Variants in CFAP44 observed in about 807,000 individuals in gnomAD.
CFAP44 encodes cilia and flagella associated protein 44.
A neutral mutation model predicts 216.2 loss-of-function variants in CFAP44; 134 were observed. The ratio of observed to expected loss-of-function variants is 0.62; its 90% CI spans 0.54 to 0.72. The LOEUF is 0.72. Among genes scored for constraint, CFAP44 ranks in the 30% least tolerant of loss-of-function variants. The pLI, the probability that CFAP44 is intolerant of heterozygous loss-of-function variation, is 0.00. For synonymous variants in CFAP44, 700 were observed against 727.6 expected, an observed-to-expected ratio of 0.96 and a Z score of 0.61; for missense variants, 2,035 against 2,182.1, an observed-to-expected ratio of 0.93 and a Z score of 1.34.
chr3:113,304,683 A>G (rs1949968537), intron 31 of CFAP44, among the ~76,000 whole-genome samples: 2 of 152,228 alleles, frequency 1.3e-5, no homozygotes, highest in African/African-American at 4.8e-5. Context: ...TCATTTTAGC[A>G]TGATTAGTCC....
intron 24 of CFAP44, among the ~76,000 whole-genome samples, chr3:113,341,447 T>C (rs1950332582): frequency 6.6e-6 from 1 of 152,212 alleles, no homozygotes. Context: ...AGAATATGTT[T>C]ATAATTTTGA....
intron 26 of CFAP44, among the ~76,000 whole-genome samples, chr3:113,328,696 TAAA>T (rs58650082): frequency 3.5e-5 from 1 of 28,570 alleles, no homozygotes; most frequent in Admixed American, 5.4e-4. Context: ...TTAGAGAGCT[TAAA>T]AAAAAAAAAA....
At chr3:113,392,718 TA>T (rs1396974599) in intron 15 of CFAP44, among the ~76,000 whole-genome samples, 1 of 144,784 alleles carries the variant, frequency 6.9e-6, no homozygotes, top group Non-Finnish European at 1.5e-5. Flanking sequence ...CAAATAATAA[TA>T]ATAAAGACCA....
chr3:113,296,346 T>C (rs1082589), intron 33 of CFAP44, among the ~76,000 whole-genome samples: 95,695 of 152,128 alleles, frequency 0.63, 33,324 homozygotes, highest in South Asian at 0.78. Flanking sequence ...TTTCTCATTG[T>C]GGTTTTAATT....
intron 30 of CFAP44, 68 bp from the exon 31 acceptor site, chr3:113,305,220 G>T: frequency 1.5e-6 from 2 of 1,320,990 alleles, no homozygotes; most frequent in Non-Finnish European, 2.1e-6. Flanking sequence ...GATGGTGAAT[G>T]AAGGCATCTT....
rs372726630 is a variant in CFAP44, at chr3:113,325,433, T to G, written c.4516+1012A>C. Among the ~76,000 whole-genome samples the G allele has an allele frequency of 1.8e-3, 279 of 152,142 alleles. 3 individuals are homozygous for G. The highest frequency in any genetic ancestry group is 6.4e-3 in the African/African-American group (266 of 41,510). ...GAGGTTCTAAATAAATAGAGATATA[T>G]TGTGCCTTTTTTATTTTTTATTTTT... On this transcript the variant is annotated intron_variant, in intron 28 of 34. Transcript: ENST00000393845.
intron 24 of CFAP44, among the ~76,000 whole-genome samples, chr3:113,335,132 G>C (rs1950271487): frequency 6.6e-6 from 1 of 152,196 alleles, no homozygotes; most frequent in Admixed American, 6.5e-5. Context: ...GGCCATGTGA[G>C]AGTAACAGGG....
intron 1 of CFAP44, among the ~76,000 whole-genome samples, chr3:113,435,756 G>A (rs562977960): frequency 2.7e-4 from 40 of 149,552 alleles, no homozygotes; most frequent in Non-Finnish European, 4.6e-4. Context: ...AAAAAGATAT[G>A]GTCTAACATG....
In CFAP44 at chr3:113,344,501, C is replaced by A. The variant is rs560276585; in HGVS notation, c.3262+15G>T. 1.4e-5 allele frequency: 21 copies of A among 1,531,214 alleles called. 1 individual carries two copies. In the South Asian group the frequency reaches 2.2e-4, roughly 16 times the overall value. 94.9% of individuals were successfully genotyped at this position (1,531,214 alleles called of 1,614,324 possible). On this transcript the variant is annotated intron_variant, in intron 23 of 34. Coordinates refer to ENST00000393845, the MANE Select transcript of CFAP44 (RefSeq NM_001164496.2). Reference sequence around the variant, plus strand: ...TAGTAAATAAGAATTTAAAAGCCTTCTTGTCATAGGCTACCTGCATCTCTC... The same window carrying A: ...TAGTAAATAAGAATTTAAAAGCCTTATTGTCATAGGCTACCTGCATCTCTC...
At chr3:113,304,711 G>T (rs1949968821) in intron 31 of CFAP44, among the ~76,000 whole-genome samples, 1 of 152,172 alleles carries the variant, frequency 6.6e-6, no homozygotes, top group Admixed American at 6.5e-5. Context: ...GATAAAGATG[G>T]TGTGAAAAGT....
Position 113,305,094 on chromosome 3 carries a change from C to T in CFAP44, c.4817G>A (p.Arg1606Gln), listed in dbSNP as rs570781310. The T allele has an allele frequency of 4.6e-6, 7 of 1,537,262 alleles. No individual in the cohort carries two copies. The highest frequency in any genetic ancestry group is 2.4e-5 in the South Asian group (2 of 84,062). ...TTCATTCAGCCGCTGCTGCTTCTCT[C>T]GCTGATAAGCCTCCAGGGCCTCCTC... is the stretch of plus-strand genomic sequence containing the variant. ...AAEEALEAYQ[R>Q]EKQQRLNELL... The change falls in exon 31 of 35, where the codon CGA becomes CAA. Residue 1606 changes from arginine to glutamine, a missense_variant. By Grantham distance (43) the Arg-to-Gln change is conservative. Transcript: ENST00000393845.
At chr3:113,354,136 A>C (rs993065282) in intron 22 of CFAP44, among the ~76,000 whole-genome samples, 1 of 152,192 alleles carries the variant, frequency 6.6e-6, no homozygotes, top group African/African-American at 2.4e-5. Context: ...TTCCAGAACA[A>C]AGCTCAAGAA....
At chr3:113,387,855 A>G (rs1388858371) in intron 15 of CFAP44, among the ~76,000 whole-genome samples, 1 of 151,884 alleles carries the variant, frequency 6.6e-6, no homozygotes, top group African/African-American at 2.4e-5. Flanking sequence ...CATTCGCCAC[A>G]AGCTGACTGA....
At chr3:113,419,972 A>T in intron 5 of CFAP44, 45 bp downstream of exon 5, 1 of 1,598,208 alleles carries the variant, frequency 6.3e-7, no homozygotes. Context: ...ACAAGCAAAA[A>T]GATAGGGTTT....
At chr3:113,322,723 T>C (rs1016400934) in intron 28 of CFAP44, among the ~76,000 whole-genome samples, 1 of 152,202 alleles carries the variant, frequency 6.6e-6, no homozygotes, top group African/African-American at 2.4e-5. Flanking sequence ...CCAGCAATCC[T>C]ATTAGTGGGT....
intron 28 of CFAP44, among the ~76,000 whole-genome samples, chr3:113,313,797 C>A (rs1333775413): frequency 2.0e-5 from 3 of 152,156 alleles, no homozygotes; most frequent in African/African-American, 7.2e-5. Flanking sequence ...TGCCTCCCAC[C>A]ATGATTCTGA....
At chr3:113,342,734 A>G (rs1300122083) in intron 23 of CFAP44, among the ~76,000 whole-genome samples, 3 of 152,072 alleles carry the variant, frequency 2.0e-5, no homozygotes, top group Non-Finnish European at 4.4e-5. Context: ...GCTCACTCCC[A>G]TAATCTTATC....
At chr3:113,426,890 C>A (rs1327156248) in intron 3 of CFAP44, 1 of 320,946 alleles carries the variant, frequency 3.1e-6, no homozygotes, top group Admixed American at 5.1e-5. Context: ...AAGGGGAACT[C>A]CCAATTACTT....
At chr3:113,395,435 G>T (rs1170016125) in intron 15 of CFAP44, among the ~76,000 whole-genome samples, 1 of 152,120 alleles carries the variant, frequency 6.6e-6, no homozygotes, top group African/African-American at 2.4e-5. Context: ...AAAGCATTTC[G>T]ACATGCTGTG....
Sources: allele counts gnomAD v4.1 joint callset (sites outside exome capture counted in the v4.1 genomes callset), GRCh38; gene constraint gnomAD v4.1.1; transcripts MANE v1.5; gene names NCBI Gene and HGNC (gene_info 2026-07-23, HGNC 2026-07-21).